The following NXPH1 variants were observed in gnomAD, a reference collection of about 807,000 sequenced individuals.
NXPH1 encodes the protein neurexophilin 1.
NXPH1 carries 5 observed loss-of-function variants against 23.7 expected under a neutral mutation model. The observed-to-expected ratio is 0.21, with a 90% CI of 0.11 to 0.44. The LOEUF (loss-of-function observed/expected upper bound fraction) is 0.44. Among genes scored for constraint, NXPH1 ranks in the 20% least tolerant of loss-of-function variants. The probability of loss-of-function intolerance (pLI) is 0.99; values close to 1 mark genes in which losing one functional copy is unlikely to be tolerated. For missense variants in NXPH1, 324 were observed against 321.6 expected, an observed-to-expected ratio of 1.01 and a Z score of -0.06; for synonymous variants, 144 against 122.2, an observed-to-expected ratio of 1.18 and a Z score of -1.18.
intron 2 of NXPH1, among the ~76,000 whole-genome samples, chr7:8,597,384 G>C (rs1037513204): frequency 6.6e-6 from 1 of 152,088 alleles, no homozygotes. Flanking sequence ...GATAATGGGG[G>C]TGGGCAAGTG....
Position 8,484,654 on chromosome 7 carries a change from CT to C in NXPH1, c.54+48891del, listed in dbSNP as rs976809667. Among the ~76,000 whole-genome samples, 52 of 152,160 alleles carry C rather than the reference CT, an allele frequency of 3.4e-4. No homozygotes were observed. In the Middle Eastern group the frequency reaches 0.02, roughly 60 times the overall value. On this transcript the variant is annotated intron_variant, in intron 2 of 2. Coordinates refer to ENST00000405863, the MANE Select transcript of NXPH1 (RefSeq NM_152745.3). ...TTTGAGTAAATGTCATAAAATCGAG[CT>C]TTTAAAAAATGATGAAAACTCAAGG...
intron 2 of NXPH1, among the ~76,000 whole-genome samples, chr7:8,664,585 A>C (rs1193708824): frequency 6.6e-6 from 1 of 152,128 alleles, no homozygotes; most frequent in Non-Finnish European, 1.5e-5. Context: ...TTCTATTTTT[A>C]ATCTTTTGAG....
At chr7:8,682,938 A>G (rs1821080778) in intron 2 of NXPH1, among the ~76,000 whole-genome samples, 1 of 152,222 alleles carries the variant, frequency 6.6e-6, no homozygotes, top group African/African-American at 2.4e-5. Context: ...ATTTCAATTC[A>G]AGAAATCTGG....
chr7:8,483,965 C>CTTTTTTTTTTTTTTTTTTTTT lies in NXPH1; in HGVS notation c.54+48215_54+48216insTTTTTTTTTTTTTTTTTTTTT, dbSNP rs60436502. The stretch of plus-strand genomic sequence containing the variant: ...CTAGAATAAATAACACTCCCCCCAC[C>CTTTTTTTTTTTTTTTTTTTTT]TTTTTTTTTTTTTTTTTAAGAAGTA... On this transcript the variant is annotated intron_variant, in intron 2 of 2. Coordinates refer to ENST00000405863, the MANE Select transcript of NXPH1 (RefSeq NM_152745.3). 2.9e-4 allele frequency among the ~76,000 whole-genome samples: 38 copies of CTTTTTTTTTTTTTTTTTTTTT among 132,296 alleles called. 1 individual carries two copies. The highest frequency in any genetic ancestry group is 1.2e-3 in the African/African-American group (37 of 32,020). The allele number at this position is 132,296 out of a possible 152,430, so 86.8% of individuals were successfully genotyped here.
chr7:8,604,090 G>A (rs7800362), intron 2 of NXPH1, among the ~76,000 whole-genome samples: 3,586 of 152,104 alleles, frequency 0.024, 135 homozygotes, highest in African/African-American at 0.077. Flanking sequence ...AAAAGTGGAT[G>A]GTTCTATCCT....
At chr7:8,500,132 G>A (rs760050567) in intron 2 of NXPH1, among the ~76,000 whole-genome samples, 49 of 151,928 alleles carry the variant, frequency 3.2e-4, no homozygotes, top group Non-Finnish European at 6.6e-4. Flanking sequence ...AAGTTTCCTC[G>A]CCATCAGGTC....
At position 8,468,741 on chromosome 7, in the gene NXPH1, G is replaced by GTAAGTATTTCCCTAATGGT. The variant is rs1435458817; in HGVS notation, c.54+32979_54+32980insATTTCCCTAATGGTTAAGT. 2.0e-5 allele frequency among the ~76,000 whole-genome samples: 3 copies of GTAAGTATTTCCCTAATGGT among 151,926 alleles called. No individual in the cohort carries two copies. In the East Asian group the frequency reaches 5.8e-4, roughly 29 times the overall value. On this transcript the variant is annotated intron_variant, in intron 2 of 2. Transcript: ENST00000405863. ...CTGATTGAAAATGCTTTTTTTATTT[G>GTAAGTATTTCCCTAATGGT]TAAGTTTTTCCCTAATGGTTAAGTT... is the stretch of plus-strand genomic sequence containing the variant.
At chr7:8,647,267 A>G (rs996639771) in intron 2 of NXPH1, among the ~76,000 whole-genome samples, 1 of 152,140 alleles carries the variant, frequency 6.6e-6, no homozygotes, top group Non-Finnish European at 1.5e-5. Flanking sequence ...CTCTCTCCCC[A>G]GGGACTGGAC....
intron 2 of NXPH1, among the ~76,000 whole-genome samples, chr7:8,492,245 T>C (rs1019118844): frequency 6.6e-6 from 1 of 152,106 alleles, no homozygotes; most frequent in Non-Finnish European, 1.5e-5. Context: ...TCCTACGTTT[T>C]GACGTGCTAA....
At position 8,736,681 on chromosome 7, in the gene NXPH1, C is replaced by A. The variant is rs182463153; in HGVS notation, c.55-14327C>A. On this transcript the variant is annotated intron_variant, in intron 2 of 2. Transcript: ENST00000405863. Reference sequence around the variant, plus strand: ...ATAGCTGAGTTCAAGTCCTGAATATCCTTGTTAGTTTTCTGTCTCATTGAT... The same window carrying A: ...ATAGCTGAGTTCAAGTCCTGAATATACTTGTTAGTTTTCTGTCTCATTGAT... Among the ~76,000 whole-genome samples, 20 of 152,196 alleles carry A rather than the reference C, an allele frequency of 1.3e-4. No individual in the cohort carries two copies. The East Asian group carries it at 3.3e-3, about 25-fold the overall frequency.
chr7:8,609,668 A>T (rs548044388), intron 2 of NXPH1, among the ~76,000 whole-genome samples: 2 of 152,252 alleles, frequency 1.3e-5, no homozygotes, highest in Non-Finnish European at 2.9e-5. Context: ...GATGTCCTCC[A>T]TTGTGTTGTA....
At chr7:8,606,687 C>T (rs950899514) in intron 2 of NXPH1, among the ~76,000 whole-genome samples, 4 of 152,114 alleles carry the variant, frequency 2.6e-5, no homozygotes, top group Non-Finnish European at 4.4e-5. Flanking sequence ...AAATGAATTG[C>T]CTCTGCCATA....
At chr7:8,656,708 A>C (rs12702757) in intron 2 of NXPH1, among the ~76,000 whole-genome samples, 105,331 of 148,894 alleles carry the variant, frequency 0.71, 37,896 homozygotes, top group East Asian at 1. Context: ...CCCACCCCAC[A>C]ACAGTCCCCA....
chr7:8,743,714 C>A (rs549443656), intron 2 of NXPH1, among the ~76,000 whole-genome samples: 17 of 145,924 alleles, frequency 1.2e-4, no homozygotes, highest in African/African-American at 4.1e-4. Flanking sequence ...GATTGAGTCT[C>A]GCTCTGTGGC....
At chr7:8,519,913 A>T (rs1360722882) in intron 2 of NXPH1, among the ~76,000 whole-genome samples, 4 of 152,162 alleles carry the variant, frequency 2.6e-5, no homozygotes, top group African/African-American at 9.6e-5. Flanking sequence ...TTGAAATGAG[A>T]AAGTTTATTG....
chr7:8,460,580 T>A (rs1047788800), intron 2 of NXPH1, among the ~76,000 whole-genome samples: 12 of 152,212 alleles, frequency 7.9e-5, no homozygotes, highest in Non-Finnish European at 1.6e-4. Flanking sequence ...GAGAAGGCTA[T>A]CTTTTACATT....
intron 2 of NXPH1, among the ~76,000 whole-genome samples, chr7:8,475,564 G>T (rs780176553): frequency 2.4e-4 from 36 of 152,140 alleles, no homozygotes; most frequent in Non-Finnish European, 2.9e-5. Flanking sequence ...TAAAGTGGAT[G>T]TCTTCATATG....
intron 2 of NXPH1, among the ~76,000 whole-genome samples, chr7:8,625,632 T>G (rs1209874828): frequency 6.6e-6 from 1 of 152,144 alleles, no homozygotes; most frequent in Non-Finnish European, 1.5e-5. Context: ...CAGCTCCTTT[T>G]AACTCTATGG....
intron 2 of NXPH1, among the ~76,000 whole-genome samples, chr7:8,489,722 G>A (rs1284566349): frequency 2.0e-5 from 3 of 152,054 alleles, no homozygotes; most frequent in Non-Finnish European, 4.4e-5. Flanking sequence ...TGGCATATTA[G>A]TATTATGAAT....
Sources: gnomAD v4.1 joint callset for allele counts (sites outside exome capture counted in the v4.1 genomes callset) on GRCh38, gnomAD v4.1.1 for gene constraint, MANE v1.5 for transcripts, NCBI Gene and HGNC (gene_info 2026-07-23, HGNC 2026-07-21) for gene names.